Variants in NCL observed in about 807,000 individuals in gnomAD.
NCL encodes the protein nucleolin multifunctional protein.
In NCL, 4 loss-of-function variants were observed where a neutral mutation model predicts 77.7. The observed-to-expected ratio is 0.05, with a 90% confidence interval of 0.03 to 0.12. The LOEUF (loss-of-function observed/expected upper bound fraction) is 0.12. Ranked by LOEUF, NCL falls within the 10% of genes least tolerant of loss-of-function variation. The pLI, the probability that NCL is intolerant of heterozygous loss-of-function variation, is 1.00. For missense variants in NCL, 763 were observed against 860.9 expected (o/e 0.89, Z 1.42); for synonymous variants, 344 against 297.8 (o/e 1.16, Z -1.60).
At position 231,461,608 on chromosome 2, in the gene NCL, G is replaced by A; in HGVS notation, c.545C>T (p.Pro182Leu). 1 of 1,609,306 alleles carries A rather than the reference G, an allele frequency of 6.2e-7. No individual in the cohort carries two copies. Among genetic ancestry groups the A allele is most frequent in the South Asian group, 1.1e-5 (1 of 90,964 alleles). ...CTCATCGTCCTCATCCTCTGAGGCA[G>A]GGGCAGCAGCTGCTGCTTTCATCGC... ...PAAMKAAAAA[P>L]ASEDEDDEDD... The change falls in exon 3 of 14, where the codon CCT (proline) becomes CTT (leucine). Residue 182 changes from proline (P) to leucine (L), a missense_variant. Around this residue, in one of 2 missense-constraint regions of NCL, gnomAD observed 590 missense variants for 570.5 expected, o/e 1.03. Coordinates refer to ENST00000322723, the MANE Select transcript of NCL (RefSeq NM_005381.3).
At chr2:231,463,992 A>T in intron 1 of NCL, 1 of 601,392 alleles carries the variant, frequency 1.7e-6, no homozygotes, top group Non-Finnish European at 2.3e-6. Flanking sequence ...CCCACGTGGC[A>T]GGCCGCGCTC....
intron 12 of NCL, 149 bp from the exon 13 acceptor site, chr2:231,455,773 C>G: frequency 8.5e-7 from 1 of 1,170,266 alleles, no homozygotes; most frequent in Non-Finnish European, 1.3e-6. Context: ...CTATGGAAAA[C>G]TAACTGGTGT....
intron 8 of NCL, 72 bp downstream of exon 8, chr2:231,458,194 A>G (rs896477317): frequency 2.3e-5 from 36 of 1,563,478 alleles, no homozygotes; most frequent in East Asian, 2.2e-4. Flanking sequence ...AATCAAACCA[A>G]TATTTCTTTT....
intron 1 of NCL, 163 bp downstream of exon 1, chr2:231,464,173 A>G (rs928153722): frequency 1.4e-6 from 2 of 1,425,940 alleles, no homozygotes; most frequent in African/African-American, 2.9e-5. Flanking sequence ...GCCACCAAGT[A>G]GCCAGAAGCC....
chr2:231,460,414 G>A, intron 5 of NCL, 64 bp downstream of exon 5: 3 of 1,588,858 alleles, frequency 1.9e-6, no homozygotes, highest in Non-Finnish European at 2.6e-6. Context: ...TCAGTATTAA[G>A]TCCCTTTGTT....
At chr2:231,458,467 A>C in intron 7 of NCL, 78 bp from the exon 8 acceptor site, 1 of 1,508,404 alleles carries the variant, frequency 6.6e-7, no homozygotes, top group Non-Finnish European at 9.0e-7. Context: ...GAGGGGAAAA[A>C]CACACATAGC....
rs368010122 is a variant in NCL at position 231,460,660 on chromosome 2, T to C, written c.811+9A>G. 2.5e-6 allele frequency: 4 copies of C among 1,613,970 alleles called. No homozygotes were observed. The highest frequency in any genetic ancestry group is 2.7e-5 in the African/African-American group (2 of 74,908). ...ACTCATGTCGTATGTCAGAATCTAA[T>C]TTAAGTACCTTCCTCCTCCTCTTCT... On this transcript the variant is annotated intron_variant, in intron 4 of 13. Transcript: ENST00000322723.
intron 7 of NCL, 199 bp downstream of exon 7, chr2:231,458,802 T>C (rs2046918364): frequency 7.3e-6 from 4 of 546,410 alleles, no homozygotes; most frequent in Non-Finnish European, 8.7e-6. Context: ...AACTCAGGAA[T>C]TTACACTATA....
intron 1 of NCL, chr2:231,464,114 T>C (rs1379301764): frequency 1.5e-6 from 2 of 1,373,578 alleles, no homozygotes; most frequent in Non-Finnish European, 1.9e-6. Flanking sequence ...TGACTCTGTC[T>C]TTCCCGCCGC....
At position 231,453,774 on chromosome 2, in the gene NCL, A is replaced by G. The variant is rs2046855124; in HGVS notation, c.*1417T>C. 6.6e-6 allele frequency: 1 copy of G among 152,328 alleles called. No individual in the cohort carries two copies. The highest frequency in any genetic ancestry group is 2.4e-5 in the African/African-American group (1 of 41,464). 9.4% of individuals were successfully genotyped at this position (152,328 alleles called of 1,614,324 possible). A position where few individuals can be genotyped will look rare whatever the true frequency, so the allele number is the denominator to read the frequency against. On this transcript the variant is annotated 3_prime_UTR_variant, in exon 14 of 14. Transcript: ENST00000322723. ...AGGTGATAAGCCCAAGGATGTTAAG[A>G]TTTCAACAGCCCAACTGAACCAGAG...
At chr2:231,463,405 T>C in intron 1 of NCL, 89 bp from the exon 2 acceptor site, 1 of 839,624 alleles carries the variant, frequency 1.2e-6, no homozygotes, top group Non-Finnish European at 2.0e-6. Flanking sequence ...CGCCATCATC[T>C]CCGTCCTCAG....
chr2:231,457,531 C>A, intron 9 of NCL, 112 bp downstream of exon 9: 1 of 1,120,106 alleles, frequency 8.9e-7, no homozygotes, highest in Non-Finnish European at 1.3e-6. Context: ...TTGATCTTCA[C>A]CTACATTTGA....
chr2:231,455,319 T>C (rs780270700), intron 13 of NCL, 52 bp from the exon 14 acceptor site: 2 of 1,613,640 alleles, frequency 1.2e-6, no homozygotes, highest in Admixed American at 1.7e-5. Context: ...AAGCTCCTCC[T>C]CCCCAGTGAT....
intron 9 of NCL, 41 bp downstream of exon 9, chr2:231,457,602 T>G (rs1559540728): frequency 6.5e-7 from 1 of 1,536,084 alleles, no homozygotes; most frequent in South Asian, 1.2e-5. Context: ...AGGAGTTCCC[T>G]CCACCAATTC....
At position 231,454,846 on chromosome 2, in the gene NCL, CA is replaced by C. The variant is rs201409564; in HGVS notation, c.*344del. On this transcript the variant is annotated 3_prime_UTR_variant, in exon 14 of 14. Coordinates refer to ENST00000322723, the MANE Select transcript of NCL (RefSeq NM_005381.3). ...CTTTTCTTTTACAACCCCACGAACG[CA>C]AAAAAAAAAAAAACAAAAACAAAAC... 2,861 of 96,858 alleles carry C rather than the reference CA, an allele frequency of 0.03. 19 individuals carry two copies. The highest frequency in any genetic ancestry group is 0.047 in the African/African-American group (1,214 of 25,692). The allele number at this position is 96,858 out of a possible 1,614,324, so 6.0% of individuals were successfully genotyped here.
rs764024904 is a variant in NCL, at chr2:231,461,550, A to ATCGTCATCGTCATCCTCATCATCT, written c.579_602dup (p.Glu193_Asp200dup). ...AAGACAACTCCTTACCATCTTCCTC[A>ATCGTCATCGTCATCCTCATCATCT]TCGTCATCGTCATCCTCATCATCTT... On this transcript the variant is annotated inframe_insertion, in exon 3 of 14. Transcript: ENST00000322723. 8.1e-6 allele frequency: 13 copies of ATCGTCATCGTCATCCTCATCATCT among 1,612,774 alleles called. No individual in the cohort carries two copies. The highest frequency in any genetic ancestry group is 2.7e-5 in the African/African-American group (2 of 74,818).
chr2:231,461,730 C>T lies in NCL; in HGVS notation c.423G>A (p.Lys141=). 6.2e-7 allele frequency: 1 copy of T among 1,614,256 alleles called. No homozygotes were observed. The highest frequency in any genetic ancestry group is 8.5e-7 in the Non-Finnish European group (1 of 1,180,048). Residue 141 remains lysine, a synonymous_variant, in exon 3 of 14, where the codon AAG becomes AAA. Coordinates refer to ENST00000322723, the MANE Select transcript of NCL (RefSeq NM_005381.3). ...CCTCCTCTTCATCACTGTCTTCCTT[C>T]TTGGCATTCTTGCCATTCTTTGCCC... The part of the protein sequence containing the change: ...AKGAKNGKNA[K]KEDSDEEEDD...
chr2:231,458,521 G>A (rs1244123482), intron 7 of NCL, 132 bp from the exon 8 acceptor site: 79 of 1,165,126 alleles, frequency 6.8e-5, no homozygotes, highest in Non-Finnish European at 8.8e-5. Flanking sequence ...TACAAGGCTC[G>A]GTGCTAAATA....
At chr2:231,456,521 C>T in intron 11 of NCL, 110 bp downstream of exon 11, 1 of 1,469,758 alleles carries the variant, frequency 6.8e-7, no homozygotes, top group Non-Finnish European at 9.5e-7. Flanking sequence ...GTCATCATAT[C>T]CAGTTATTGT....
Sources: allele counts gnomAD v4.1 joint callset, GRCh38; gene constraint gnomAD v4.1.1; regional missense constraint gnomAD v4.1.1; transcripts MANE v1.5; gene names NCBI Gene and HGNC (gene_info 2026-07-23, HGNC 2026-07-21).